The following MTSS1 variants were observed in gnomAD, a reference collection of about 807,000 sequenced individuals.
MTSS1 encodes MTSS I-BAR domain containing 1, also known as protein MTSS 1.
A neutral mutation model predicts 79.0 loss-of-function variants in MTSS1; 18 were observed. That is an observed-to-expected ratio of 0.23 (90% confidence interval 0.16 to 0.34). The LOEUF (loss-of-function observed/expected upper bound fraction) is 0.34. MTSS1 is among the 10% of genes least tolerant of loss of function. The probability of loss-of-function intolerance (pLI) is 1.00; values close to 1 mark genes in which losing one functional copy is unlikely to be tolerated. For missense variants in MTSS1, 815 were observed against 986.2 expected (o/e 0.83, Z 2.33); for synonymous variants, 341 against 368.6 (o/e 0.93, Z 0.86).
intron 1 of MTSS1, among the ~76,000 whole-genome samples, chr8:124,705,623 AG>A (rs1830280115): frequency 1.3e-5 from 2 of 152,250 alleles, no homozygotes. Context: ...TCAGGAAAGG[AG>A]GAAAAAATTA....
At position 124,562,896 on chromosome 8, in the gene MTSS1, G is replaced by A; in HGVS notation, c.921C>T (p.Ala307=). The A allele has an allele frequency of 6.2e-7, 1 of 1,614,062 alleles. No homozygotes were observed. The highest frequency in any genetic ancestry group is 8.5e-7 in the Non-Finnish European group (1 of 1,179,978). The change falls in exon 10 of 14, where the codon GCC becomes GCT. Residue 307 remains alanine, a synonymous_variant. Transcript: ENST00000518547. ...SHYRYRSSNL[A]QQAPVRLSSV... ...TGGACAGCCTCACAGGAGCCTGCTG[G>A]GCCAGGTTGGAGCTGCGGTAGCGGT...
intron 3 of MTSS1, among the ~76,000 whole-genome samples, chr8:124,595,901 G>A (rs1832676009): frequency 6.6e-6 from 1 of 152,200 alleles, no homozygotes; most frequent in South Asian, 2.1e-4. Context: ...GGCTGCTTCA[G>A]GGATGGGACA....
At chr8:124,643,115 T>C (rs1311093902) in intron 3 of MTSS1, among the ~76,000 whole-genome samples, 1 of 152,096 alleles carries the variant, frequency 6.6e-6, no homozygotes, top group Non-Finnish European at 1.5e-5. Flanking sequence ...GAGAAAAAAA[T>C]TGGTAACCCC....
At chr8:124,670,477 C>T (rs553364061) in intron 3 of MTSS1, among the ~76,000 whole-genome samples, 187 of 148,930 alleles carry the variant, frequency 1.3e-3, no homozygotes, top group Middle Eastern at 7.1e-3. Context: ...GGACTCCTGA[C>T]GTCGTCGTAC....
rs1018384813 is a variant in MTSS1 at position 124,683,700 on chromosome 8, T to C, written c.208+15826A>G. On this transcript the variant is annotated intron_variant, in intron 3 of 13. Coordinates refer to ENST00000518547, the MANE Select transcript of MTSS1 (RefSeq NM_014751.6). The surrounding 1 kb of genome is among the most constrained non-coding windows in gnomAD (Gnocchi z 4.5). ...CGGGTGGAAACATCAGAAACCATCT[T>C]ACTGACATGGTCAACCAATGGCTGA... 2.6e-5 allele frequency among the ~76,000 whole-genome samples: 4 copies of C among 152,184 alleles called. No individual in the cohort carries two copies. Among genetic ancestry groups the C allele is most frequent in the African/African-American group, 9.7e-5 (4 of 41,436 alleles).
intron 6 of MTSS1, among the ~76,000 whole-genome samples, chr8:124,575,578 G>T (rs77676393): frequency 6.9e-4 from 72 of 105,028 alleles, no homozygotes; most frequent in Non-Finnish European, 1.2e-3. Context: ...TGGGTTTTTT[G>T]TTGTTGTTGT....
intron 3 of MTSS1, among the ~76,000 whole-genome samples, chr8:124,656,742 C>T (rs1364971424): frequency 7.8e-6 from 1 of 128,086 alleles, no homozygotes; most frequent in African/African-American, 3.1e-5. Context: ...CACACCACTG[C>T]ATTCCAGGCT....
At chr8:124,698,223 G>A (rs1195038988) in intron 3 of MTSS1, 19 of 152,162 alleles carry the variant, frequency 1.2e-4, no homozygotes, top group Non-Finnish European at 1.5e-5. Context: ...CACCTGTGAT[G>A]AATGAGTATC....
chr8:124,642,252 C>T (rs568189492), intron 3 of MTSS1, among the ~76,000 whole-genome samples: 5 of 152,196 alleles, frequency 3.3e-5, no homozygotes, highest in South Asian at 2.1e-4. Flanking sequence ...TTTAATTTAA[C>T]GAATCAATCA....
intron 6 of MTSS1, among the ~76,000 whole-genome samples, chr8:124,571,400 T>C (rs1827741667): frequency 6.6e-6 from 1 of 152,240 alleles, no homozygotes; most frequent in African/African-American, 2.4e-5. Context: ...TGTAAACCCT[T>C]GCTTTTCCTC....
At chr8:124,604,488 A>G (rs974467130) in intron 3 of MTSS1, among the ~76,000 whole-genome samples, 3 of 152,198 alleles carry the variant, frequency 2.0e-5, no homozygotes, top group Non-Finnish European at 2.9e-5. Context: ...TAAACCCATA[A>G]AGCCCCCAAA....
At chr8:124,572,819 T>G (rs1239066833) in intron 6 of MTSS1, among the ~76,000 whole-genome samples, 1 of 150,318 alleles carries the variant, frequency 6.7e-6, no homozygotes, top group Admixed American at 6.6e-5. Context: ...TGATCTCAGC[T>G]CACTGCAACC....
intron 3 of MTSS1, among the ~76,000 whole-genome samples, chr8:124,695,911 A>C (rs1455851516): frequency 6.6e-6 from 1 of 151,776 alleles, no homozygotes; most frequent in African/African-American, 2.4e-5. Context: ...ATATGCAAAA[A>C]CATCTGTAAA....
At chr8:124,562,760 C>T (rs1333161460) in intron 10 of MTSS1, 22 bp downstream of exon 10, 3 of 1,608,806 alleles carry the variant, frequency 1.9e-6, no homozygotes, top group East Asian at 4.5e-5. Flanking sequence ...ACAGCTGCTC[C>T]TGGAGCCAAG....
intron 3 of MTSS1, among the ~76,000 whole-genome samples, chr8:124,609,372 C>T (rs778998289): frequency 1.3e-5 from 2 of 152,182 alleles, no homozygotes; most frequent in African/African-American, 4.8e-5. Context: ...GGGCTGACAA[C>T]GTCTCAGGGC....
chr8:124,699,432 T>C (rs1258547255), intron 3 of MTSS1, 94 bp downstream of exon 3: 6 of 1,142,130 alleles, frequency 5.3e-6, no homozygotes, highest in Admixed American at 1.9e-5. Flanking sequence ...TCAGCTCTGA[T>C]AACTTAAGCT....
intron 7 of MTSS1, chr8:124,567,874 A>G: frequency 2.1e-6 from 3 of 1,452,580 alleles, no homozygotes; most frequent in Non-Finnish European, 1.8e-6. Context: ...GTTCTCAATT[A>G]CGGCATGCAA....
At chr8:124,565,873 A>G in intron 8 of MTSS1, 114 bp from the exon 9 acceptor site, 1 of 815,682 alleles carries the variant, frequency 1.2e-6, no homozygotes, top group Non-Finnish European at 1.9e-6. Flanking sequence ...GTGGGAATGA[A>G]AGCAAAACAT....
intron 3 of MTSS1, among the ~76,000 whole-genome samples, chr8:124,654,212 C>T (rs1820535754): frequency 6.6e-6 from 1 of 152,222 alleles, no homozygotes; most frequent in African/African-American, 2.4e-5. Flanking sequence ...CTGATGGTAG[C>T]TGCTGATACA....
Sources: allele counts gnomAD v4.1 joint callset (sites outside exome capture counted in the v4.1 genomes callset), GRCh38; gene constraint gnomAD v4.1.1; non-coding constraint Gnocchi (gnomAD v3.1); transcripts MANE v1.5; gene names NCBI Gene and HGNC (gene_info 2026-07-23, HGNC 2026-07-21).